The following TUSC3 variants were observed in gnomAD, a reference collection of about 807,000 sequenced individuals.
The protein encoded by TUSC3 is tumor suppressor candidate 3.
Under a neutral mutation model 44.8 loss-of-function variants are expected in TUSC3, and 45 were observed. The observed-to-expected ratio is 1.00, with a 90% CI of 0.79 to 1.29. The LOEUF (loss-of-function observed/expected upper bound fraction) is 1.29, where lower values mean the gene tolerates loss of function less well. TUSC3 is among the 50% of genes most tolerant of loss of function. TUSC3 has a pLI of 0.00. For missense variants in TUSC3, 519 were observed against 437.9 expected (o/e 1.19, Z -1.65); for synonymous variants, 212 against 152.9 (o/e 1.39, Z -2.85).
chr8:15,468,248 A>T (rs1321036920), intron 1 of TUSC3, among the ~76,000 whole-genome samples: 1 of 152,202 alleles, frequency 6.6e-6, no homozygotes, highest in Non-Finnish European at 1.5e-5. Flanking sequence ...GGAATCCCAC[A>T]GACAGCTGCT....
At chr8:15,644,775 T>C (rs1806553858) in intron 2 of TUSC3, among the ~76,000 whole-genome samples, 1 of 152,140 alleles carries the variant, frequency 6.6e-6, no homozygotes, top group Non-Finnish European at 1.5e-5. Context: ...TTATTTATTT[T>C]TAATGATATA....
intron 5 of TUSC3, among the ~76,000 whole-genome samples, chr8:15,672,450 A>G (rs1268113578): frequency 6.6e-6 from 1 of 152,036 alleles, no homozygotes. Context: ...TACCAATATT[A>G]TCCTCATGCT....
chr8:15,687,841 T>C (rs1272107406), intron 6 of TUSC3, among the ~76,000 whole-genome samples: 1 of 152,218 alleles, frequency 6.6e-6, no homozygotes, highest in African/African-American at 2.4e-5. Flanking sequence ...AAATGTTAAG[T>C]ATATCAGAAA....
intron 1 of TUSC3, among the ~76,000 whole-genome samples, chr8:15,438,833 G>T (rs1799984543): frequency 6.6e-6 from 1 of 152,162 alleles, no homozygotes; most frequent in Non-Finnish European, 1.5e-5. Context: ...TCTCAAAGAT[G>T]ATGAGTGAAT....
At chr8:15,826,457 C>T in the TUSC3 span, among the ~76,000 whole-genome samples, 10 of 152,198 alleles carry the variant, frequency 6.6e-5, no homozygotes, top group African/African-American at 1.7e-4. Context: ...TTAGTGATAT[C>T]GCACATTATA....
the TUSC3 span, among the ~76,000 whole-genome samples, chr8:15,808,111 A>G: frequency 6.6e-6 from 1 of 152,194 alleles, no homozygotes; most frequent in Non-Finnish European, 1.5e-5. Flanking sequence ...CAGTACTCAT[A>G]TCATTTTATT....
At chr8:15,501,905 C>G (rs1474975180) in intron 2 of TUSC3, among the ~76,000 whole-genome samples, 3 of 152,166 alleles carry the variant, frequency 2.0e-5, no homozygotes, top group Non-Finnish European at 4.4e-5. Flanking sequence ...CTACCTGTGT[C>G]CACCTTAGTT....
At chr8:15,687,311 T>G (rs1367515780) in intron 6 of TUSC3, among the ~76,000 whole-genome samples, 1 of 152,176 alleles carries the variant, frequency 6.6e-6, no homozygotes, top group African/African-American at 2.4e-5. Context: ...TAGCCTCAAG[T>G]CTCAGTCTTC....
chr8:15,845,331 G>T, the TUSC3 span, among the ~76,000 whole-genome samples: 4,574 of 152,202 alleles, frequency 0.03, 237 homozygotes, highest in African/African-American at 0.1. Flanking sequence ...GGTTTCATGA[G>T]CTCTGGAATT....
chr8:15,596,488 C>T (rs1407986933), intron 1 of TUSC3, among the ~76,000 whole-genome samples: 3 of 152,092 alleles, frequency 2.0e-5, no homozygotes, highest in Non-Finnish European at 4.4e-5. Context: ...AGACCAACTG[C>T]AGGGCTTGAG....
chr8:15,518,101 T>C (rs531636017), intron 2 of TUSC3, among the ~76,000 whole-genome samples: 3 of 152,260 alleles, frequency 2.0e-5, no homozygotes, highest in Non-Finnish European at 4.4e-5. Context: ...AGCCTGTAGA[T>C]TTCATATAAA....
chr8:15,612,657 G>C (rs1804814129), intron 1 of TUSC3, among the ~76,000 whole-genome samples: 1 of 152,202 alleles, frequency 6.6e-6, no homozygotes, highest in Admixed American at 6.5e-5. Context: ...ATGGGCATCT[G>C]AACGTATTAT....
chr8:15,746,755 G>C (rs1024291572), intron 8 of TUSC3, among the ~76,000 whole-genome samples: 8 of 151,824 alleles, frequency 5.3e-5, no homozygotes, highest in African/African-American at 1.9e-4. Flanking sequence ...AAAAGGAGAT[G>C]GAAGGAAAAG....
intron 1 of TUSC3, among the ~76,000 whole-genome samples, chr8:15,620,161 T>C (rs1805180413): frequency 6.6e-6 from 1 of 152,082 alleles, no homozygotes; most frequent in Non-Finnish European, 1.5e-5. Context: ...AGAAGATGAA[T>C]AAGAATGAAT....
intron 1 of TUSC3, among the ~76,000 whole-genome samples, chr8:15,454,407 G>T (rs1443453961): frequency 6.6e-6 from 1 of 152,162 alleles, no homozygotes; most frequent in Non-Finnish European, 1.5e-5. Context: ...TAAATTTGCT[G>T]CCACCAACAT....
chr8:15,460,096 C>A (rs1221900374), intron 1 of TUSC3, among the ~76,000 whole-genome samples: 1 of 152,246 alleles, frequency 6.6e-6, no homozygotes, highest in East Asian at 1.9e-4. Flanking sequence ...ACTTTTAGGT[C>A]TTTAAGGAAT....
intron 4 of TUSC3, among the ~76,000 whole-genome samples, chr8:15,659,896 A>C (rs1036731925): frequency 6.6e-6 from 1 of 152,098 alleles, no homozygotes; most frequent in Admixed American, 6.6e-5. Context: ...GTAATTTCAG[A>C]GGCTAAAAAA....
chr8:15,748,036 A>G (rs1811496885), intron 8 of TUSC3, among the ~76,000 whole-genome samples: 1 of 152,062 alleles, frequency 6.6e-6, no homozygotes, highest in Non-Finnish European at 1.5e-5. Context: ...GGTTTATAAC[A>G]TGTTTTGTTT....
chr8:15,791,254 A>C, the TUSC3 span, among the ~76,000 whole-genome samples: 1 of 149,890 alleles, frequency 6.7e-6, no homozygotes, highest in African/African-American at 2.5e-5. Context: ...CAAACTGGGC[A>C]ACCAGCCTCT....
Sources: gnomAD v4.1 joint callset for allele counts (sites outside exome capture counted in the v4.1 genomes callset) on GRCh38, gnomAD v4.1.1 for gene constraint, MANE v1.5 for transcripts, NCBI Gene and HGNC (gene_info 2026-07-23, HGNC 2026-07-21) for gene names.